The following SLC18A1 variants were observed in gnomAD, a reference collection of about 807,000 sequenced individuals.
SLC18A1 encodes the protein solute carrier family 18 member A1, also known as chromaffin granule amine transporter.
Under a neutral mutation model 53.7 loss-of-function variants are expected in SLC18A1, and 69 were observed. That is an observed-to-expected ratio of 1.28 (90% CI 1.06 to 1.57). SLC18A1 has a LOEUF of 1.57. SLC18A1 is among the 40% of genes most tolerant of loss of function. SLC18A1 has a pLI of 0.00. For synonymous variants in SLC18A1, 320 were observed against 248.1 expected (o/e 1.29, Z -2.72); for missense variants, 932 against 668.1 (o/e 1.40, Z -4.35).
intron 8 of SLC18A1, among the ~76,000 whole-genome samples, chr8:20,168,637 T>G (rs2072033702): frequency 6.6e-6 from 1 of 152,090 alleles, no homozygotes; most frequent in Non-Finnish European, 1.5e-5. Flanking sequence ...TGGAGTGCAG[T>G]GGCTTACTGC....
chr8:20,154,438 A>C (rs1433850373), intron 10 of SLC18A1, among the ~76,000 whole-genome samples: 1 of 152,242 alleles, frequency 6.6e-6, no homozygotes, highest in East Asian at 1.9e-4. Context: ...TGTTTGCAAC[A>C]AACAAGGGTT....
intron 10 of SLC18A1, among the ~76,000 whole-genome samples, chr8:20,153,748 G>C (rs142085138): frequency 6.6e-6 from 1 of 152,068 alleles, no homozygotes; most frequent in African/African-American, 2.4e-5. Context: ...ATCCCAGTTT[G>C]GTCCAAAATT....
At position 20,173,107 on chromosome 8, in the gene SLC18A1, A is replaced by G. The variant is rs2128878124; in HGVS notation, c.653T>C (p.Val218Ala). 2 of 1,576,768 alleles carry G rather than the reference A, an allele frequency of 1.3e-6. No individual in the cohort carries two copies. Among genetic ancestry groups the G allele is most frequent in the Non-Finnish European group, 1.7e-6 (2 of 1,161,738 alleles). ...SVAGLGMLAS[V>A]YTDDHERGRA... The stretch of plus-strand genomic sequence containing the variant: ...TCCTCTCTCATGGTCATCAGTGTAG[A>G]CACTGGCCAGCATTCCAAGACCTGC... The change falls in exon 6 of 16, where the codon GTC (valine) becomes GCC (alanine). Residue 218 changes from valine to alanine, a missense_variant. By Grantham distance (64) the Val-to-Ala change is moderately conservative. Coordinates refer to ENST00000276373, the MANE Select transcript of SLC18A1 (RefSeq NM_003053.4).
intron 15 of SLC18A1, 44 bp downstream of exon 15, chr8:20,147,214 A>G: frequency 6.4e-7 from 1 of 1,560,114 alleles, no homozygotes. Context: ...GATGATGGAA[A>G]GAAACAGAAG....
rs1446788427 is a variant in SLC18A1, at chr8:20,149,573, TCTCTCTCTCTCTCTCC to T, written c.1146+87_1146+102del. ...ATTAGTCTTTAAATGTCTGTGTCTT[TCTCTCTCTCTCTCTCC>T]CTCTCTCTCTCTCTCTCTCTCTCTC... On this transcript the variant is annotated intron_variant, in intron 12 of 15. Transcript: ENST00000276373. The T allele has an allele frequency of 1.0e-4, 84 of 806,176 alleles. No homozygotes were observed. In the African/African-American group the frequency reaches 1.2e-3, roughly 12 times the overall value. 49.9% of individuals were successfully genotyped at this position (806,176 alleles called of 1,614,324 possible).
intron 10 of SLC18A1, among the ~76,000 whole-genome samples, chr8:20,158,105 C>T (rs368590899): frequency 9.9e-5 from 15 of 152,182 alleles, no homozygotes; most frequent in African/African-American, 3.1e-4. Context: ...CAAGTGCCAG[C>T]CCATGTCATC....
chr8:20,155,273 T>G (rs1263795450), intron 10 of SLC18A1, among the ~76,000 whole-genome samples: 1 of 152,216 alleles, frequency 6.6e-6, no homozygotes, highest in Non-Finnish European at 1.5e-5. Context: ...GGATCACTTT[T>G]GCTTGCTATT....
At chr8:20,166,301 A>ATG (rs2071959638) in intron 8 of SLC18A1, among the ~76,000 whole-genome samples, 3 of 86,180 alleles carry the variant, frequency 3.5e-5, no homozygotes, top group Non-Finnish European at 7.0e-5. Flanking sequence ...ATATATATAT[A>ATG]TATATATATA....
At chr8:20,157,836 A>T (rs893972375) in intron 10 of SLC18A1, among the ~76,000 whole-genome samples, 1 of 152,186 alleles carries the variant, frequency 6.6e-6, no homozygotes, top group Non-Finnish European at 1.5e-5. Flanking sequence ...CCCTTTAGCC[A>T]TGTCCCTCGG....
chr8:20,166,744 C>T (rs186837318), intron 8 of SLC18A1, among the ~76,000 whole-genome samples: 265 of 152,124 alleles, frequency 1.7e-3, no homozygotes, highest in African/African-American at 5.9e-3. Flanking sequence ...ATGTTGAAGT[C>T]CTAACCTAAT....
At chr8:20,162,954 G>A (rs1286061313) in intron 10 of SLC18A1, among the ~76,000 whole-genome samples, 2 of 152,118 alleles carry the variant, frequency 1.3e-5, no homozygotes, top group African/African-American at 4.8e-5. Context: ...ATTTGTTATA[G>A]CAGCAGCCCG....
chr8:20,166,028 T>C (rs1481775278), intron 8 of SLC18A1, among the ~76,000 whole-genome samples: 1 of 152,060 alleles, frequency 6.6e-6, no homozygotes. Flanking sequence ...GCTTACCCAA[T>C]TATTATTCGA....
chr8:20,182,033 C>T (rs2072441340), intron 1 of SLC18A1: 1 of 152,174 alleles, frequency 6.6e-6, no homozygotes, highest in African/African-American at 2.4e-5. Flanking sequence ...AGTCACAGTA[C>T]CTTGTCAAAC....
chr8:20,180,864 T>C lies in SLC18A1; in HGVS notation c.101A>G (p.Asp34Gly). 6.2e-7 allele frequency: 1 copy of C among 1,614,022 alleles called. No individual in the cohort carries two copies. The change falls in exon 2 of 16, where the codon GAC becomes GGC. Residue 34 changes from aspartate to glycine, a missense_variant. Physicochemically the swap from Asp to Gly is moderately conservative, Grantham distance 94. Transcript: ENST00000276373. ...LVVVFVALLL[D>G]NMLFTVVVPI... ...ACCCACCACAGTAAACAGCATGTTG[T>C]CCAGGAGCAAAGCGACGAATACCAC...
At chr8:20,153,115 G>T (rs2071599522) in intron 10 of SLC18A1, among the ~76,000 whole-genome samples, 1 of 152,164 alleles carries the variant, frequency 6.6e-6, no homozygotes, top group South Asian at 2.1e-4. Context: ...AAAAGAAGAA[G>T]GAGGACATAA....
At chr8:20,179,621 A>T (rs2072365046) in intron 2 of SLC18A1, 137 bp from the exon 3 acceptor site, 1 of 1,173,240 alleles carries the variant, frequency 8.5e-7, no homozygotes, top group South Asian at 1.5e-5. Context: ...GACAGATGTC[A>T]TCTTACCACT....
intron 1 of SLC18A1, among the ~76,000 whole-genome samples, chr8:20,182,549 C>T (rs1461079702): frequency 6.6e-6 from 1 of 152,080 alleles, no homozygotes. Context: ...TCTAAATATT[C>T]AATAATGAGC....
rs1243438208 is a variant in SLC18A1, at chr8:20,151,137, GT to G, written c.1016-394del. ...CAGATGAACACCACCACACCTAGTTGTTTTTTTTTGTTTTTTTTTTGTTTGT... is the reference window on the plus strand; with the variant it reads ...CAGATGAACACCACCACACCTAGTTGTTTTTTTTGTTTTTTTTTTGTTTGT... On this transcript the variant is annotated intron_variant, in intron 10 of 15. Transcript: ENST00000276373. The G allele has an allele frequency of 4.4e-3, 442 of 101,600 alleles. 2 individuals carry two copies. The highest frequency in any genetic ancestry group is 0.013 in the African/African-American group (373 of 29,182). The allele number at this position is 101,600 out of a possible 1,614,324, so 6.3% of individuals were successfully genotyped here.
intron 15 of SLC18A1, among the ~76,000 whole-genome samples, chr8:20,146,361 A>C (rs2071397977): frequency 6.6e-6 from 1 of 152,066 alleles, no homozygotes; most frequent in Admixed American, 6.6e-5. Flanking sequence ...TAGTATATCA[A>C]CCCTTGTCAG....
Sources: gnomAD v4.1 joint callset for allele counts (sites outside exome capture counted in the v4.1 genomes callset) on GRCh38, gnomAD v4.1.1 for gene constraint, MANE v1.5 for transcripts, NCBI Gene and HGNC (gene_info 2026-07-23, HGNC 2026-07-21) for gene names.